The following MAD1L1 variants were observed in gnomAD, a reference collection of about 807,000 sequenced individuals.
MAD1L1 encodes the protein mitotic spindle assembly checkpoint protein MAD1.
Under a neutral mutation model 96.9 loss-of-function variants are expected in MAD1L1, and 95 were observed. That is an observed-to-expected ratio of 0.98 (90% CI 0.83 to 1.16). The LOEUF is 1.16. Ranked by LOEUF, MAD1L1 falls within the 50% of genes most tolerant of loss-of-function variation. MAD1L1 has a pLI of 0.00. For synonymous variants in MAD1L1, 473 were observed against 396.6 expected (o/e 1.19, Z -2.29); for missense variants, 1,007 against 954.4 (o/e 1.06, Z -0.73).
At chr7:1,944,568 AAG>A (rs1779143933) in intron 16 of MAD1L1, among the ~76,000 whole-genome samples, 1 of 152,156 alleles carries the variant, frequency 6.6e-6, no homozygotes, top group Non-Finnish European at 1.5e-5. Context: ...CTCCAGGGTG[AAG>A]GAGAAACTCT....
At chr7:2,150,495 C>G (rs561807556) in intron 10 of MAD1L1, among the ~76,000 whole-genome samples, 25 of 152,318 alleles carry the variant, frequency 1.6e-4, no homozygotes, top group Admixed American at 7.2e-4. Context: ...AGCCCCTCCC[C>G]CGGTCTTCCA....
rs185946041 is a variant in MAD1L1, at chr7:2,161,300, G to A, written c.987-12062C>T. ...TTTCGTATTTTTTGGTGGAGACGGGGTTTCGCTGTGCTGGCCAGGCTGGTC... is the reference window on the plus strand; with the variant it reads ...TTTCGTATTTTTTGGTGGAGACGGGATTTCGCTGTGCTGGCCAGGCTGGTC... On this transcript the variant is annotated intron_variant, in intron 10 of 18. Transcript: ENST00000265854. 3.3e-3 allele frequency among the ~76,000 whole-genome samples: 508 copies of A among 152,026 alleles called. 5 individuals are homozygous for A. Among genetic ancestry groups the A allele is most frequent in the African/African-American group, 0.011 (458 of 41,442 alleles).
At chr7:1,820,205 C>T (rs79315840) in intron 18 of MAD1L1, among the ~76,000 whole-genome samples, 1 of 151,916 alleles carries the variant, frequency 6.6e-6, no homozygotes. Context: ...AATGGGATGC[C>T]TCGAAGGAAA....
intron 14 of MAD1L1, among the ~76,000 whole-genome samples, chr7:1,982,552 A>G (rs1233687813): frequency 2.0e-5 from 3 of 152,092 alleles, no homozygotes; most frequent in Non-Finnish European, 4.4e-5. Flanking sequence ...GTGATTTTAA[A>G]TTTTTGTTTC....
chr7:1,891,993 C>CA (rs1160502759), intron 18 of MAD1L1, among the ~76,000 whole-genome samples: 1 of 151,118 alleles, frequency 6.6e-6, no homozygotes, highest in Non-Finnish European at 1.5e-5. Flanking sequence ...CCTTCACACT[C>CA]ACTCACCCTC....
At position 2,197,573 on chromosome 7, in the gene MAD1L1, C is replaced by T. The variant is rs138634747; in HGVS notation, c.986+15639G>A. Among the ~76,000 whole-genome samples, 361 of 152,314 alleles carry T rather than the reference C, an allele frequency of 2.4e-3. 2 individuals are homozygous for T. The highest frequency in any genetic ancestry group is 8.1e-3 in the African/African-American group (336 of 41,560). The stretch of plus-strand genomic sequence containing the variant: ...ACACGGGCCCAAGCTCGGACACAGG[C>T]ACGACCAGGACTGGCGGGCTGCAGA... On this transcript the variant is annotated intron_variant, in intron 10 of 18. Transcript: ENST00000265854.
At chr7:2,096,226 A>G (rs1210801330) in intron 11 of MAD1L1, among the ~76,000 whole-genome samples, 2 of 152,232 alleles carry the variant, frequency 1.3e-5, no homozygotes, top group Admixed American at 1.3e-4. Context: ...GCCAGCCACA[A>G]GGTCGTCCTC....
At chr7:2,190,475 G>C (rs1238498142) in intron 10 of MAD1L1, among the ~76,000 whole-genome samples, 1 of 152,116 alleles carries the variant, frequency 6.6e-6, no homozygotes, top group Non-Finnish European at 1.5e-5. Flanking sequence ...ATCAGACTTA[G>C]CAAAATTAAA....
In MAD1L1 at chr7:2,213,278, A is replaced by G. The variant is rs781219755; in HGVS notation, c.925-5T>C. ...TTGCAGCTTGGCCAGCAGCCTCTGA[A>G]AAGACAACAAAAGCACAGACCCTGT... On this transcript the variant is annotated splice_polypyrimidine_tract_variant and splice_region_variant and intron_variant, in intron 9 of 18. Transcript: ENST00000265854. 6.2e-7 allele frequency: 1 copy of G among 1,613,974 alleles called. No homozygotes were observed. Among genetic ancestry groups the G allele is most frequent in the Non-Finnish European group, 8.5e-7 (1 of 1,179,910 alleles).
At chr7:1,876,140 T>A (rs1370941106) in intron 18 of MAD1L1, among the ~76,000 whole-genome samples, 1 of 152,158 alleles carries the variant, frequency 6.6e-6, no homozygotes, top group Non-Finnish European at 1.5e-5. Context: ...AGGTCTTATT[T>A]TGGTGAACTA....
intron 11 of MAD1L1, among the ~76,000 whole-genome samples, chr7:2,082,736 A>C (rs550878905): frequency 6.6e-6 from 1 of 152,240 alleles, no homozygotes; most frequent in Non-Finnish European, 1.5e-5. Flanking sequence ...CCGATAGCCC[A>C]ATTAGCAGCT....
chr7:2,002,408 C>A (rs1781839478), intron 13 of MAD1L1, among the ~76,000 whole-genome samples: 1 of 152,202 alleles, frequency 6.6e-6, no homozygotes, highest in South Asian at 2.1e-4. Context: ...AGGAAACTGA[C>A]TGTGAATGGG....
chr7:2,030,456 A>T lies in MAD1L1; in HGVS notation c.1219-15814T>A, dbSNP rs1783173824. Reference sequence around the variant, plus strand: ...TGTCACCAAATGCATTTCTTGCTTCACTTCTTTCATGAACAGATAAGGCTA... The same window carrying T: ...TGTCACCAAATGCATTTCTTGCTTCTCTTCTTTCATGAACAGATAAGGCTA... On this transcript the variant is annotated intron_variant, in intron 12 of 18. Coordinates refer to ENST00000265854, the MANE Select transcript of MAD1L1 (RefSeq NM_001013836.2). 1.3e-5 allele frequency among the ~76,000 whole-genome samples: 2 copies of T among 152,214 alleles called. 1 individual carries two copies. The highest frequency in any genetic ancestry group is 3.8e-4 in the East Asian group (2 of 5,198).
At chr7:2,026,537 C>T (rs1404093146) in intron 12 of MAD1L1, among the ~76,000 whole-genome samples, 1 of 152,270 alleles carries the variant, frequency 6.6e-6, no homozygotes, top group Non-Finnish European at 1.5e-5. Context: ...AACTGACTTC[C>T]GATGGGGCCA....
intron 11 of MAD1L1, among the ~76,000 whole-genome samples, chr7:2,075,856 T>C (rs1278708634): frequency 1.3e-5 from 2 of 152,206 alleles, no homozygotes; most frequent in Admixed American, 6.5e-5. Flanking sequence ...ACTCTTTGTC[T>C]ACCTTCTCCC....
At chr7:1,854,102 G>A (rs1390192284) in intron 18 of MAD1L1, among the ~76,000 whole-genome samples, 2 of 152,126 alleles carry the variant, frequency 1.3e-5, no homozygotes, top group African/African-American at 4.8e-5. Flanking sequence ...CCATCCAGGC[G>A]TGGCGGAGGC....
chr7:2,219,448 G>A lies in MAD1L1; in HGVS notation c.480C>T (p.Asn160=), dbSNP rs376900800. 41 of 1,613,592 alleles carry A rather than the reference G, an allele frequency of 2.5e-5. No individual in the cohort carries two copies. Among genetic ancestry groups the A allele is most frequent in the African/African-American group, 2.4e-4 (18 of 74,862 alleles). The change falls in exon 6 of 19, where the codon AAC becomes AAT. Residue 160 remains asparagine, a synonymous_variant. Coordinates refer to ENST00000265854, the MANE Select transcript of MAD1L1 (RefSeq NM_001013836.2). ...GTTCCGAGATCCTCCCCTTCAGTGCGTTGATGGTCTAAAAGTAGAGGGGAC... is the reference window on the plus strand; with the variant it reads ...GTTCCGAGATCCTCCCCTTCAGTGCATTGATGGTCTAAAAGTAGAGGGGAC... ...DSLAQAGETI[N]ALKGRISELQ...
At chr7:1,904,263 T>C (rs1252343774) in intron 17 of MAD1L1, among the ~76,000 whole-genome samples, 1 of 148,480 alleles carries the variant, frequency 6.7e-6, no homozygotes, top group Non-Finnish European at 1.5e-5. Context: ...GATGAAGCAC[T>C]GTTCCAGGCA....
intron 10 of MAD1L1, among the ~76,000 whole-genome samples, chr7:2,176,447 C>T (rs917689085): frequency 1.6e-4 from 24 of 152,132 alleles, no homozygotes; most frequent in Non-Finnish European, 7.3e-5. Context: ...TATTTCACGT[C>T]GTACCAGAGG....
Sources: allele counts gnomAD v4.1 joint callset (sites outside exome capture counted in the v4.1 genomes callset), GRCh38; gene constraint gnomAD v4.1.1; transcripts MANE v1.5; gene names NCBI Gene and HGNC (gene_info 2026-07-23, HGNC 2026-07-21).